The following PHETA2 variants were observed in gnomAD, a reference collection of about 807,000 sequenced individuals.
PHETA2 encodes sesquipedalian-2.
For synonymous variants in PHETA2, 133 were observed against 142.9 expected (o/e 0.93, Z 0.50); for missense variants, 321 against 341.3 (o/e 0.94, Z 0.47).
At position 42,077,474 on chromosome 22, in the gene PHETA2, C is replaced by G; in HGVS notation, c.181C>G (p.Arg61Gly). ...ATTCTCCTTTGAGAGTCGCGAGGGC[C>G]GGGCCCCACTGAGCCTGGTGGTGCT... is the stretch of plus-strand genomic sequence containing the variant. The part of the protein sequence containing the change: ...LLFSFESREG[R>G]APLSLVVLEG... The change falls in exon 3 of 3, where the codon CGG becomes GGG. Residue 61 changes from arginine to glycine, a missense_variant. Arg to Gly is a moderately radical substitution (Grantham distance 125). Coordinates refer to ENST00000321753, the MANE Select transcript of PHETA2 (RefSeq NM_001002034.3). 6.2e-7 allele frequency: 1 copy of G among 1,614,106 alleles called. No homozygotes were observed. Among genetic ancestry groups the G allele is most frequent in the South Asian group, 1.1e-5 (1 of 91,072 alleles).
chr22:42,077,372 TG>T lies in PHETA2; in HGVS notation c.86del (p.Gly29AlafsTer36), dbSNP rs200775641. 609 of 1,596,616 alleles carry T rather than the reference TG, an allele frequency of 3.8e-4. 3 individuals are homozygous for T. In the African/African-American group the frequency reaches 6.5e-3, roughly 17 times the overall value. On this transcript the variant is annotated frameshift_variant, in exon 3 of 3. Transcript: ENST00000321753. LOFTEE classifies it low-confidence loss of function (END_TRUNC). The part of the protein sequence containing the change: ...PADHMGFLRT[W>X]GGPGTPPTPS... ...GGACCACATGGGCTTCCTGCGCACCTGGGGGGGCCCAGGGACCCCACCGACC... is the reference window on the plus strand; with the variant it reads ...GGACCACATGGGCTTCCTGCGCACCTGGGGGGCCCAGGGACCCCACCGACC...
rs1022840632 is a variant in PHETA2 at position 42,075,359 on chromosome 22, A to C, written c.-96-212A>C. On this transcript the variant is annotated intron_variant, in intron 1 of 2. Coordinates refer to ENST00000321753, the MANE Select transcript of PHETA2 (RefSeq NM_001002034.3). This position sits in a 1 kb window ranked among gnomAD's most constrained non-coding sequence, Gnocchi z 4.8. ...GTGTAGCTCTGACCTGGACTCAGGC[A>C]GGGAGCTGGGGTCTGAAGAGTAAAG... 9.2e-5 allele frequency among the ~76,000 whole-genome samples: 14 copies of C among 152,114 alleles called. No individual in the cohort carries two copies. Among genetic ancestry groups the C allele is most frequent in the African/African-American group, 3.1e-4 (13 of 41,426 alleles).
At position 42,077,311 on chromosome 22, in the gene PHETA2, G is replaced by C. The variant is rs200559139; in HGVS notation, c.18G>C (p.Arg6Ser). The C allele has an allele frequency of 7.2e-6, 11 of 1,527,140 alleles. No homozygotes were observed. The highest frequency in any genetic ancestry group is 9.7e-6 in the Non-Finnish European group (11 of 1,138,096). The allele number at this position is 1,527,140 out of a possible 1,614,324, so 94.6% of individuals were successfully genotyped here. Residue 6 changes from arginine (R) to serine (S), a missense_variant, in exon 3 of 3, where the codon AGG (arginine) becomes AGC (serine). By Grantham distance (110) the Arg-to-Ser change is moderately radical. Transcript: ENST00000321753. MKLNERSVAHYALSDS... is the reference protein window; with the variant it reads MKLNESSVAHYALSDS... ...TGGGAGCCATGAAGCTGAACGAGAG[G>C]AGTGTAGCCCACTATGCACTCAGCG...
rs1927420086 is a variant in PHETA2 at position 42,078,262 on chromosome 22, A to T, written c.*189A>T. The T allele has an allele frequency of 4.8e-6, 3 of 620,554 alleles. No homozygotes were observed. The highest frequency in any genetic ancestry group is 3.8e-5 in the African/African-American group (2 of 52,620). The allele number at this position is 620,554 out of a possible 1,614,324, so 38.4% of individuals were successfully genotyped here. A position where few individuals can be genotyped will look rare whatever the true frequency, so the allele number is the denominator to read the frequency against. On this transcript the variant is annotated 3_prime_UTR_variant, in exon 3 of 3. Transcript: ENST00000321753. ...CGGGACCATTCCTTCCATCCTCTTTATTTCCTGAGGTCCAGAGAAGGAAGG... is the reference window on the plus strand; with the variant it reads ...CGGGACCATTCCTTCCATCCTCTTTTTTTCCTGAGGTCCAGAGAAGGAAGG...
intron 1 of PHETA2, 120 bp downstream of exon 1, chr22:42,074,461 A>C (rs1317448181): frequency 2.6e-5 from 4 of 152,220 alleles, no homozygotes; most frequent in African/African-American, 9.7e-5. Flanking sequence ...AGCCAGGGAG[A>C]CCCTGACCGA....
At chr22:42,076,781 A>G (rs918521821) in intron 2 of PHETA2, among the ~76,000 whole-genome samples, 1 of 152,174 alleles carries the variant, frequency 6.6e-6, no homozygotes, top group African/African-American at 2.4e-5. Context: ...TTTGTGCCTC[A>G]GCTTCTGCCT....
Position 42,077,874 on chromosome 22 carries a change from G to A in PHETA2, c.581G>A (p.Gly194Glu). The change falls in exon 3 of 3, where the codon GGG becomes GAG. Residue 194 changes from glycine to glutamate, a missense_variant. Coordinates refer to ENST00000321753, the MANE Select transcript of PHETA2 (RefSeq NM_001002034.3). ...GAAGAAGCGGGCAGCAGGTCTGCAG[G>A]GTGGGGGTTGGCTGAGTGGGAGCTG... Reference protein sequence around the residue: ...LVEEAGSRSAGWGLAEWELQG... With the variant: ...LVEEAGSRSAEWGLAEWELQG... 1 of 1,613,748 alleles carries A rather than the reference G, an allele frequency of 6.2e-7. No individual in the cohort carries two copies. Among genetic ancestry groups the A allele is most frequent in the Non-Finnish European group, 8.5e-7 (1 of 1,179,928 alleles).
intron 2 of PHETA2, among the ~76,000 whole-genome samples, chr22:42,076,499 C>T (rs530784001): frequency 1.6e-3 from 243 of 152,104 alleles, no homozygotes; most frequent in African/African-American, 5.5e-3. Flanking sequence ...ACCATGTTGG[C>T]CAGGCTGGTC....
At position 42,078,139 on chromosome 22, in the gene PHETA2, T is replaced by C; in HGVS notation, c.*66T>C. The stretch of plus-strand genomic sequence containing the variant: ...TTCAGGAGTTAAATGTTTACCCATT[T>C]CCAAGGTTGCGTTTTGGGAGGGGAC... On this transcript the variant is annotated 3_prime_UTR_variant, in exon 3 of 3. Coordinates refer to ENST00000321753, the MANE Select transcript of PHETA2 (RefSeq NM_001002034.3). The C allele has an allele frequency of 6.9e-7, 1 of 1,452,596 alleles. No homozygotes were observed. The highest frequency in any genetic ancestry group is 9.1e-7 in the Non-Finnish European group (1 of 1,099,576). The allele number at this position is 1,452,596 out of a possible 1,614,324, so 90.0% of individuals were successfully genotyped here.
chr22:42,076,483 G>T (rs938339756), intron 2 of PHETA2, among the ~76,000 whole-genome samples: 1 of 151,914 alleles, frequency 6.6e-6, no homozygotes, highest in Non-Finnish European at 1.5e-5. Flanking sequence ...TTAGAGACGG[G>T]GTTTCACCAT....
At position 42,074,297 on chromosome 22, in the gene PHETA2, A is replaced by T. The variant is rs1288601505; in HGVS notation, c.-141A>T. 2 of 152,216 alleles carry T rather than the reference A, an allele frequency of 1.3e-5. No homozygotes were observed. The highest frequency in any genetic ancestry group is 2.9e-5 in the Non-Finnish European group (2 of 68,050). The allele number at this position is 152,216 out of a possible 1,614,324, so 9.4% of individuals were successfully genotyped here. A position where few individuals can be genotyped will look rare whatever the true frequency, so the allele number is the denominator to read the frequency against. ...GCCCAGGCGGAGGCGCGGGATCTCGAGCTGGGATCGCCCTCTTGGGCTTCG... is the reference window on the plus strand; with the variant it reads ...GCCCAGGCGGAGGCGCGGGATCTCGTGCTGGGATCGCCCTCTTGGGCTTCG... On this transcript the variant is annotated 5_prime_UTR_variant, in exon 1 of 3. Transcript: ENST00000321753.
chr22:42,078,176 C>T lies in PHETA2; in HGVS notation c.*103C>T. The T allele has an allele frequency of 7.5e-7, 1 of 1,329,198 alleles. No individual in the cohort carries two copies. The highest frequency in any genetic ancestry group is 2.9e-5 in the Admixed American group (1 of 33,908). The allele number at this position is 1,329,198 out of a possible 1,614,324, so 82.3% of individuals were successfully genotyped here. A position where few individuals can be genotyped will look rare whatever the true frequency, so the allele number is the denominator to read the frequency against. ...TTTTGGGAGGGGACATGGGTTCTCT[C>T]CTTCCTGCTATTTAGGCATTCTCCA... On this transcript the variant is annotated 3_prime_UTR_variant, in exon 3 of 3. Transcript: ENST00000321753.
In PHETA2 at chr22:42,078,582, G is replaced by C. The variant is rs1320639795; in HGVS notation, c.*509G>C. ...TTCTGGGACCCAGCTCTTCCTGAGA[G>C]GGGTGGGAAGATTGGGGATGGGATC... is the stretch of plus-strand genomic sequence containing the variant. On this transcript the variant is annotated 3_prime_UTR_variant, in exon 3 of 3. Transcript: ENST00000321753. 1 of 168,136 alleles carries C rather than the reference G, an allele frequency of 5.9e-6. No individual in the cohort carries two copies. Among genetic ancestry groups the C allele is most frequent in the African/African-American group, 2.4e-5 (1 of 41,480 alleles). 10.4% of individuals were successfully genotyped at this position (168,136 alleles called of 1,614,324 possible). A position where few individuals can be genotyped will look rare whatever the true frequency, so the allele number is the denominator to read the frequency against.
At position 42,076,038 on chromosome 22, in the gene PHETA2, TTTTTC is replaced by T. The variant is rs147428841; in HGVS notation, c.-15+399_-15+403del. On this transcript the variant is annotated intron_variant, in intron 2 of 2. Transcript: ENST00000321753. ...CTAAAGAATTATCTCTTTTTCTTTT[TTTTTC>T]TTTTCTTTTCTTCATGTCAGATCGG... 751 of 190,740 alleles carry T rather than the reference TTTTTC, an allele frequency of 3.9e-3. 4 individuals are homozygous for T. The highest frequency in any genetic ancestry group is 6.4e-3 in the Non-Finnish European group (556 of 86,838). 11.8% of individuals were successfully genotyped at this position (190,740 alleles called of 1,614,324 possible). A position where few individuals can be genotyped will look rare whatever the true frequency, so the allele number is the denominator to read the frequency against.
Position 42,077,810 on chromosome 22 carries a change from C to T in PHETA2, c.517C>T (p.His173Tyr). Residue 173 changes from histidine (H) to tyrosine (Y), a missense_variant, in exon 3 of 3, where the codon CAC becomes TAC. Transcript: ENST00000321753. ...NHRAAGLENG[H>Y]CLSKDSSPVG... is the part of the protein sequence containing the mutation. ...CCGAGCTGCGGGCCTGGAGAATGGC[C>T]ACTGCCTCTCCAAGGACAGCAGCCC... The T allele has an allele frequency of 1.9e-6, 3 of 1,612,698 alleles. No homozygotes were observed. The highest frequency in any genetic ancestry group is 2.2e-5 in the South Asian group (2 of 91,028).
At chr22:42,077,047 C>T (rs1222741323) in intron 2 of PHETA2, among the ~76,000 whole-genome samples, 6 of 152,126 alleles carry the variant, frequency 3.9e-5, no homozygotes, top group Admixed American at 6.5e-5. Flanking sequence ...ATTCTTTTCT[C>T]GAAGTCCGCC....
rs990149084 is a variant in PHETA2 at position 42,077,459 on chromosome 22, G to C, written c.166G>C (p.Glu56Gln). 11 of 1,613,886 alleles carry C rather than the reference G, an allele frequency of 6.8e-6. No individual in the cohort carries two copies. The highest frequency in any genetic ancestry group is 9.3e-6 in the Non-Finnish European group (11 of 1,180,010). ...VLKGNLLFSF[E>Q]SREGRAPLSL... Reference sequence around the variant, plus strand: ...CAAGGGCAACCTGCTATTCTCCTTTGAGAGTCGCGAGGGCCGGGCCCCACT... The same window carrying C: ...CAAGGGCAACCTGCTATTCTCCTTTCAGAGTCGCGAGGGCCGGGCCCCACT... The change falls in exon 3 of 3, where the codon GAG becomes CAG. Residue 56 changes from glutamate (E) to glutamine (Q), a missense_variant. Coordinates refer to ENST00000321753, the MANE Select transcript of PHETA2 (RefSeq NM_001002034.3).
In PHETA2 at chr22:42,074,330, C is replaced by T. The variant is rs138301103; in HGVS notation, c.-108C>T. 0.019 allele frequency: 2,906 copies of T among 152,480 alleles called. 56 individuals are homozygous for T. Among genetic ancestry groups the T allele is most frequent in the Non-Finnish European group, 0.029 (1,945 of 68,164 alleles). The allele number at this position is 152,480 out of a possible 1,614,324, so 9.4% of individuals were successfully genotyped here. ...TCGCCCTCTTGGGCTTCGGTGCGAT[C>T]GGCGGCGGGAGGTGAGAGTGGGCCC... On this transcript the variant is annotated 5_prime_UTR_variant, in exon 1 of 3. Transcript: ENST00000321753.
chr22:42,077,228 G>A (rs1927313601), intron 2 of PHETA2, 52 bp from the exon 3 acceptor site: 3 of 1,491,238 alleles, frequency 2.0e-6, no homozygotes, highest in African/African-American at 2.8e-5. Context: ...TCCCCAGGAG[G>A]GCACGGAACC....
Sources: gnomAD v4.1 joint callset for allele counts (sites outside exome capture counted in the v4.1 genomes callset) on GRCh38, gnomAD v4.1.1 for gene constraint, Gnocchi (gnomAD v3.1) non-coding constraint, MANE v1.5 for transcripts, NCBI Gene and HGNC (gene_info 2026-07-23, HGNC 2026-07-21) for gene names.